TCF7L1: variants seen among roughly 807,000 people sequenced by gnomAD.
TCF7L1 encodes the protein transcription factor 7-like 1.
Under a neutral mutation model 63.7 loss-of-function variants are expected in TCF7L1, and 18 were observed. That is an observed-to-expected ratio of 0.28 (90% CI 0.20 to 0.42). The LOEUF is 0.42. Ranked by LOEUF, TCF7L1 falls within the 10% of genes least tolerant of loss-of-function variation. The pLI, the probability that TCF7L1 is intolerant of heterozygous loss-of-function variation, is 1.00. For missense variants in TCF7L1, 654 were observed against 779.3 expected, an observed-to-expected ratio of 0.84 and a Z score of 1.91; for synonymous variants, 355 against 340.9, an observed-to-expected ratio of 1.04 and a Z score of -0.46.
At position 85,309,073 on chromosome 2, in the gene TCF7L1, C is replaced by T. The variant is rs781519490; in HGVS notation, c.1378C>T (p.Pro460Ser). 2.0e-5 allele frequency: 33 copies of T among 1,612,088 alleles called. No homozygotes were observed. Among genetic ancestry groups the T allele is most frequent in the Admixed American group, 1.2e-4 (7 of 59,778 alleles). Residue 460 changes from proline to serine, a missense_variant, in exon 12 of 12, where the codon CCC (proline) becomes TCC (serine). By Grantham distance (74) the Pro-to-Ser change is moderately conservative. This residue lies in a region of TCF7L1 where 184 missense variants were observed against 204.0 expected (regional missense o/e 0.90). Transcript: ENST00000282111. ...CAAGAAGCCATGTGTTCAGTACCTG[C>T]CCCCCGAGAAGCCCTGTGACAGCCC... The part of the protein sequence containing the change: ...KSKKPCVQYL[P>S]PEKPCDSPAS...
chr2:85,309,029 G>T lies in TCF7L1; in HGVS notation c.1334G>T (p.Gly445Val). 1 of 1,584,966 alleles carries T rather than the reference G, an allele frequency of 6.3e-7. No homozygotes were observed. Residue 445 changes from glycine to valine, a missense_variant and splice_region_variant, in exon 12 of 12, where the codon GGT (glycine) becomes GTT (valine). Gly to Val is a moderately radical substitution (Grantham distance 109, BLOSUM62 -3). Coordinates refer to ENST00000282111, the MANE Select transcript of TCF7L1 (RefSeq NM_031283.3). ...QSQQQVQEAE[G>V]ALASKSKKPC... ...ACTCTTTCTTGTATTTTCCCCCTAG[G>T]TGCCCTGGCCTCCAAGAGCAAGAAG...
chr2:85,263,434 G>A (rs559249699), intron 3 of TCF7L1, among the ~76,000 whole-genome samples: 3 of 152,102 alleles, frequency 2.0e-5, no homozygotes, highest in Non-Finnish European at 4.4e-5. Flanking sequence ...CAGAGATGAA[G>A]GGGAACAATT....
intron 3 of TCF7L1, among the ~76,000 whole-genome samples, chr2:85,221,109 G>T (rs895919669): frequency 6.6e-6 from 1 of 152,170 alleles, no homozygotes; most frequent in South Asian, 2.1e-4. Flanking sequence ...AGACGGAAAA[G>T]ATGAAATAAT....
chr2:85,134,558 A>G lies in TCF7L1; in HGVS notation c.441+108A>G, dbSNP rs1677544933. On this transcript the variant is annotated intron_variant, in intron 3 of 11. Transcript: ENST00000282111. This position sits in a 1 kb window ranked among gnomAD's most constrained non-coding sequence, Gnocchi z 5.0. ...GATGGGGCCTTCTGCGCCGATCCCA[A>G]GCAGAACTTGTTTGCGGAGTTGAAC... 6 of 1,434,336 alleles carry G rather than the reference A, an allele frequency of 4.2e-6. No individual in the cohort carries two copies. The highest frequency in any genetic ancestry group is 2.5e-4 in the Middle Eastern group (1 of 3,958). 88.9% of individuals were successfully genotyped at this position (1,434,336 alleles called of 1,614,324 possible).
chr2:85,298,759 G>A (rs973183658), intron 4 of TCF7L1, among the ~76,000 whole-genome samples: 3 of 152,044 alleles, frequency 2.0e-5, no homozygotes, highest in Admixed American at 2.0e-4. Context: ...ATCCACAGAG[G>A]GGTGTGCGGT....
intron 3 of TCF7L1, among the ~76,000 whole-genome samples, chr2:85,263,762 G>A (rs757336009): frequency 1.3e-5 from 2 of 152,220 alleles, no homozygotes; most frequent in Non-Finnish European, 2.9e-5. Flanking sequence ...AGAGATGAGC[G>A]TGATCACCGC....
rs937629641 is a variant in TCF7L1, at chr2:85,152,651, T to A, written c.441+18201T>A. ...GGTTTCACCATGTTGGCCAGGCTGG[T>A]CTTAAACTCTAGACCTCGGGTTATC... On this transcript the variant is annotated intron_variant, in intron 3 of 11. Coordinates refer to ENST00000282111, the MANE Select transcript of TCF7L1 (RefSeq NM_031283.3). Among the ~76,000 whole-genome samples the A allele has an allele frequency of 3.0e-5, 4 of 133,212 alleles. No homozygotes were observed. In the East Asian group the frequency reaches 8.0e-4, roughly 27 times the overall value. The allele number at this position is 133,212 out of a possible 152,430, so 87.4% of individuals were successfully genotyped here.
chr2:85,134,478 G>T lies in TCF7L1; in HGVS notation c.441+28G>T, dbSNP rs113707373. Reference sequence around the variant, plus strand: ...GAGTGCCCGTCGGGCGCGCCGGGGAGGGTGGGAGGCCGCGGCCCGCAGGAT... The same window carrying T: ...GAGTGCCCGTCGGGCGCGCCGGGGATGGTGGGAGGCCGCGGCCCGCAGGAT... On this transcript the variant is annotated intron_variant, in intron 3 of 11. Transcript: ENST00000282111. The surrounding 1 kb of genome is among the most constrained non-coding windows in gnomAD (Gnocchi z 5.0). 11 of 1,546,650 alleles carry T rather than the reference G, an allele frequency of 7.1e-6. No individual in the cohort carries two copies. The highest frequency in any genetic ancestry group is 2.7e-5 in the African/African-American group (2 of 72,978).
intron 3 of TCF7L1, among the ~76,000 whole-genome samples, chr2:85,236,942 C>T (rs575960222): frequency 1.7e-4 from 26 of 152,160 alleles, no homozygotes; most frequent in Non-Finnish European, 3.5e-4. Flanking sequence ...CTCTTTGCAT[C>T]CCTCAGACCC....
At chr2:85,283,228 C>T (rs1681461280) in intron 3 of TCF7L1, among the ~76,000 whole-genome samples, 1 of 150,826 alleles carries the variant, frequency 6.6e-6, no homozygotes, top group South Asian at 2.1e-4. Flanking sequence ...GATCGGTTCT[C>T]TCCACCACTT....
chr2:85,303,706 TC>T, intron 5 of TCF7L1, 188 bp from the exon 6 acceptor site: 1 of 477,938 alleles, frequency 2.1e-6, no homozygotes. Flanking sequence ...TAGTCCTGCC[TC>T]CCCTGAATAT....
chr2:85,228,153 C>T (rs1679999881), intron 3 of TCF7L1, among the ~76,000 whole-genome samples: 1 of 152,088 alleles, frequency 6.6e-6, no homozygotes, highest in Admixed American at 6.6e-5. Context: ...GGTGTGGTGG[C>T]TCATGCCTAT....
At chr2:85,228,270 A>G (rs541467017) in intron 3 of TCF7L1, among the ~76,000 whole-genome samples, 1 of 152,212 alleles carries the variant, frequency 6.6e-6, no homozygotes, top group African/African-American at 2.4e-5. Flanking sequence ...TAATTTTAAA[A>G]ATCAGCCATG....
chr2:85,193,637 G>C lies in TCF7L1; in HGVS notation c.441+59187G>C, dbSNP rs796563934. Among the ~76,000 whole-genome samples, 4 of 152,294 alleles carry C rather than the reference G, an allele frequency of 2.6e-5. No individual in the cohort carries two copies. The East Asian group carries it at 5.8e-4, about 22-fold the overall frequency. ...TACCAGCGGTAGTTTTCTGTTCTTTGTTCCTTCTCCTCTACCACTGCTCCA... is the reference window on the plus strand; with the variant it reads ...TACCAGCGGTAGTTTTCTGTTCTTTCTTCCTTCTCCTCTACCACTGCTCCA... On this transcript the variant is annotated intron_variant, in intron 3 of 11. Transcript: ENST00000282111.
chr2:85,181,921 A>G (rs989662522), intron 3 of TCF7L1, among the ~76,000 whole-genome samples: 4 of 152,160 alleles, frequency 2.6e-5, no homozygotes, highest in Admixed American at 2.6e-4. Context: ...CCCCTGCCAC[A>G]GGATCCATGT....
At chr2:85,186,202 C>T (rs1474354165) in intron 3 of TCF7L1, among the ~76,000 whole-genome samples, 2 of 152,088 alleles carry the variant, frequency 1.3e-5, no homozygotes, top group East Asian at 1.9e-4. Context: ...CTCCTGACCT[C>T]GTGATCCGCC....
chr2:85,201,015 A>T (rs1211767312), intron 3 of TCF7L1, among the ~76,000 whole-genome samples: 1 of 152,190 alleles, frequency 6.6e-6, no homozygotes, highest in African/African-American at 2.4e-5. Flanking sequence ...AGCCTGGCCA[A>T]CATGGTGAAA....
chr2:85,242,865 T>G (rs1382630435), intron 3 of TCF7L1, among the ~76,000 whole-genome samples: 4 of 152,226 alleles, frequency 2.6e-5, no homozygotes, highest in Non-Finnish European at 5.9e-5. Flanking sequence ...CCTCAGCCTT[T>G]CCTAGTACAC....
chr2:85,179,511 G>A (rs908401401), intron 3 of TCF7L1, among the ~76,000 whole-genome samples: 3 of 152,150 alleles, frequency 2.0e-5, no homozygotes, highest in Non-Finnish European at 4.4e-5. Flanking sequence ...TTGGGCCTTT[G>A]TTCTCATCTT....
Sources: gnomAD v4.1 joint callset for allele counts (sites outside exome capture counted in the v4.1 genomes callset) on GRCh38, gnomAD v4.1.1 for gene constraint, gnomAD v4.1.1 regional missense constraint, Gnocchi (gnomAD v3.1) non-coding constraint, MANE v1.5 for transcripts, NCBI Gene and HGNC (gene_info 2026-07-23, HGNC 2026-07-21) for gene names.